The following TRIM67 variants were observed in gnomAD, a reference collection of about 807,000 sequenced individuals.
TRIM67 encodes the protein tripartite motif-containing protein 67.
In TRIM67, 39 loss-of-function variants were observed where a neutral mutation model predicts 71.0. The ratio of observed to expected loss-of-function variants is 0.55; its 90% CI spans 0.43 to 0.72. TRIM67 has a LOEUF of 0.72. Ranked by LOEUF, TRIM67 falls within the 30% of genes least tolerant of loss-of-function variation. The pLI, the probability that TRIM67 is intolerant of heterozygous loss-of-function variation, is 0.00. For missense variants in TRIM67, 973 were observed against 1,079.2 expected, an observed-to-expected ratio of 0.90 and a Z score of 1.38; for synonymous variants, 481 against 473.9, an observed-to-expected ratio of 1.01 and a Z score of -0.19.
At chr1:231,212,073 G>A (rs112489622) in intron 8 of TRIM67, among the ~76,000 whole-genome samples, 17 of 152,262 alleles carry the variant, frequency 1.1e-4, no homozygotes, top group African/African-American at 3.6e-4. Context: ...CACGAGTAAC[G>A]AGCTCGATTA....
chr1:231,174,152 CT>C (rs35651112), intron 1 of TRIM67, among the ~76,000 whole-genome samples: 50,759 of 127,168 alleles, frequency 0.4, 7,929 homozygotes, highest in Middle Eastern at 0.51. Context: ...GTCTTATTTT[CT>C]TTTTTTTTTT....
At position 231,163,685 on chromosome 1, in the gene TRIM67, A is replaced by C; in HGVS notation, c.716A>C (p.His239Pro). 1 of 1,513,076 alleles carries C rather than the reference A, an allele frequency of 6.6e-7. No individual in the cohort carries two copies. Among genetic ancestry groups the C allele is most frequent in the Non-Finnish European group, 8.8e-7 (1 of 1,132,194 alleles). The allele number at this position is 1,513,076 out of a possible 1,614,324, so 93.7% of individuals were successfully genotyped here. A position where few individuals can be genotyped will look rare whatever the true frequency, so the allele number is the denominator to read the frequency against. The change falls in exon 1 of 10, where the codon CAT (histidine) becomes CCT (proline). Residue 239 changes from histidine (H) to proline (P), a missense_variant. His to Pro is a moderately conservative substitution (Grantham distance 77). This residue lies in a region of TRIM67 where 795 missense variants were observed against 831.3 expected (regional missense o/e 0.96). Transcript: ENST00000366653. The part of the protein sequence containing the change: ...LYCSACQLKC[H>P]PSRGPFAKHR... ...TGCTCTGCCTGCCAGCTCAAGTGCC[A>C]TCCATCCCGGGGACCCTTCGCCAAG...
intron 1 of TRIM67, chr1:231,186,051 G>A: frequency 1.3e-6 from 2 of 1,523,804 alleles, no homozygotes; most frequent in Admixed American, 2.0e-5. Flanking sequence ...AAAAGAAGGG[G>A]ATGTTCCCCG....
chr1:231,193,503 G>GCTCTCTCTATCTCTCT (rs1683288075), intron 1 of TRIM67, among the ~76,000 whole-genome samples: 1 of 81,946 alleles, frequency 1.2e-5, no homozygotes, highest in Non-Finnish European at 2.3e-5. Flanking sequence ...TCTCTCTCAA[G>GCTCTCTCTATCTCTCT]CTCTCTCTCT....
In TRIM67 at chr1:231,209,381, T is replaced by C; in HGVS notation, c.2123+131T>C. On this transcript the variant is annotated intron_variant, in intron 8 of 9. Coordinates refer to ENST00000366653, the MANE Select transcript of TRIM67 (RefSeq NM_001004342.5). The surrounding 1 kb of genome is among the most constrained non-coding windows in gnomAD (Gnocchi z 4.1). Reference sequence around the variant, plus strand: ...GAGGAGGTATTTTCAGCCACTTTGGTCTCCATTTTCTAGGAGGCCTTCACT... The same window carrying C: ...GAGGAGGTATTTTCAGCCACTTTGGCCTCCATTTTCTAGGAGGCCTTCACT... 1.9e-6 allele frequency: 2 copies of C among 1,054,740 alleles called. No individual in the cohort carries two copies. Among genetic ancestry groups the C allele is most frequent in the Non-Finnish European group, 2.6e-6 (2 of 755,848 alleles). 65.3% of individuals were successfully genotyped at this position (1,054,740 alleles called of 1,614,324 possible). A position where few individuals can be genotyped will look rare whatever the true frequency, so the allele number is the denominator to read the frequency against.
rs576022261 is a variant in TRIM67 at position 231,163,840 on chromosome 1, G to A, written c.871G>A (p.Ala291Thr). The A allele has an allele frequency of 9.8e-6, 15 of 1,534,160 alleles. No individual in the cohort carries two copies. The East Asian group carries it at 2.0e-4, about 21-fold the overall frequency. The change falls in exon 1 of 10, where the codon GCG becomes ACG. Residue 291 changes from alanine (A) to threonine (T), a missense_variant. Physicochemically the swap from Ala to Thr is moderately conservative, Grantham distance 58 (BLOSUM62 0). Coordinates refer to ENST00000366653, the MANE Select transcript of TRIM67 (RefSeq NM_001004342.5). ...CKSPGGAGAG[A>T]TGGSTARKFP... ...GAGCCCGGGAGGCGCGGGGGCGGGGGCGACTGGGGGCAGCACGGCCCGCAA... is the reference window on the plus strand; with the variant it reads ...GAGCCCGGGAGGCGCGGGGGCGGGGACGACTGGGGGCAGCACGGCCCGCAA...
chr1:231,191,951 A>C (rs115155296), intron 1 of TRIM67, among the ~76,000 whole-genome samples: 1,548 of 152,124 alleles, frequency 0.01, 27 homozygotes, highest in African/African-American at 0.036. Context: ...CAAGGCAGAG[A>C]TCTCCAGCGT....
chr1:231,198,508 C>G (rs1571892685), intron 2 of TRIM67, among the ~76,000 whole-genome samples: 1 of 152,086 alleles, frequency 6.6e-6, no homozygotes, highest in East Asian at 1.9e-4. Context: ...TGCCTCAGCC[C>G]CCTGAGTAGC....
Position 231,163,134 on chromosome 1 carries a change from G to C in TRIM67, c.165G>C (p.Ser55=), listed in dbSNP as rs772575532. 16 of 1,543,432 alleles carry C rather than the reference G, an allele frequency of 1.0e-5. No individual in the cohort carries two copies. The African/African-American group carries it at 1.3e-4, about 12-fold the overall frequency. The change falls in exon 1 of 10, where the codon TCG becomes TCC. Residue 55 remains serine (S), a synonymous_variant. Coordinates refer to ENST00000366653, the MANE Select transcript of TRIM67 (RefSeq NM_001004342.5). The stretch of plus-strand genomic sequence containing the variant: ...AGCCGCTCCTGCTTTCCCGGGGATC[G>C]GGGCTGCAGGCGGGCGCCGCCGCCG... The part of the protein sequence containing the change: ...LPQPLLLSRG[S]GLQAGAAAAA...
chr1:231,184,645 A>C, intron 1 of TRIM67: 1 of 224,950 alleles, frequency 4.4e-6, no homozygotes, highest in South Asian at 8.0e-5. Context: ...GCAACTTCTC[A>C]AAGCAAAATT....
intron 8 of TRIM67, among the ~76,000 whole-genome samples, chr1:231,211,271 T>G (rs908522824): frequency 1.3e-4 from 20 of 151,934 alleles, no homozygotes; most frequent in African/African-American, 4.6e-4. Context: ...TGACAGCCCC[T>G]TGGTGCCACC....
chr1:231,217,288 T>C lies in TRIM67; in HGVS notation c.*1848T>C. 1.0e-6 allele frequency: 1 copy of C among 986,144 alleles called. No individual in the cohort carries two copies. Among genetic ancestry groups the C allele is most frequent in the Non-Finnish European group, 1.2e-6 (1 of 830,236 alleles). 61.1% of individuals were successfully genotyped at this position (986,144 alleles called of 1,614,324 possible). A position where few individuals can be genotyped will look rare whatever the true frequency, so the allele number is the denominator to read the frequency against. On this transcript the variant is annotated 3_prime_UTR_variant, in exon 10 of 10. Coordinates refer to ENST00000366653, the MANE Select transcript of TRIM67 (RefSeq NM_001004342.5). Reference sequence around the variant, plus strand: ...CGGAGCCTGGGAGCTATCTGCTTCATGGAAGTCTAGGTCTTGCCTCTTCCT... The same window carrying C: ...CGGAGCCTGGGAGCTATCTGCTTCACGGAAGTCTAGGTCTTGCCTCTTCCT...
chr1:231,168,786 A>G (rs935559326), intron 1 of TRIM67, among the ~76,000 whole-genome samples: 1 of 152,240 alleles, frequency 6.6e-6, no homozygotes, highest in Non-Finnish European at 1.5e-5. Context: ...CTTGGATTTT[A>G]AGGTCTGTGA....
rs1045803486 is a variant in TRIM67, at chr1:231,217,676, C to T, written c.*2236C>T. 2 of 1,177,106 alleles carry T rather than the reference C, an allele frequency of 1.7e-6. No individual in the cohort carries two copies. The highest frequency in any genetic ancestry group is 1.6e-5 in the African/African-American group (1 of 62,604). 72.9% of individuals were successfully genotyped at this position (1,177,106 alleles called of 1,614,324 possible). On this transcript the variant is annotated 3_prime_UTR_variant, in exon 10 of 10. Coordinates refer to ENST00000366653, the MANE Select transcript of TRIM67 (RefSeq NM_001004342.5). The stretch of plus-strand genomic sequence containing the variant: ...TGACAGCAGCTTCTCACAGGGGAGC[C>T]CTGGGGAAGGCTGTGGAGCCTCCAC...
At position 231,163,050 on chromosome 1, in the gene TRIM67, C is replaced by T. The variant is rs753263518; in HGVS notation, c.81C>T (p.Cys27=). The change falls in exon 1 of 10, where the codon TGC becomes TGT. Residue 27 remains cysteine, a synonymous_variant. Transcript: ENST00000366653. ...PIILPCSHNV[C]LPCARTIAVQ... is the part of the protein sequence containing the mutation. ...TCCTGCCCTGTTCCCACAATGTCTG[C>T]CTGCCTTGCGCTCGCACCATCGCGG... 3 of 1,610,336 alleles carry T rather than the reference C, an allele frequency of 1.9e-6. No individual in the cohort carries two copies. In the East Asian group the frequency reaches 6.7e-5, roughly 36 times the overall value.
intron 1 of TRIM67, chr1:231,187,403 A>G: frequency 1.0e-6 from 1 of 1,000,230 alleles, no homozygotes; most frequent in Non-Finnish European, 1.4e-6. Context: ...AATTTTTTTA[A>G]AAAATGAGTC....
chr1:231,173,450 G>A (rs1233577395), intron 1 of TRIM67, among the ~76,000 whole-genome samples: 2 of 152,168 alleles, frequency 1.3e-5, no homozygotes, highest in East Asian at 3.9e-4. Context: ...TCACTGAGGA[G>A]GATGTATTCA....
At chr1:231,170,338 A>G (rs1254457097) in intron 1 of TRIM67, among the ~76,000 whole-genome samples, 1 of 152,166 alleles carries the variant, frequency 6.6e-6, no homozygotes, top group Non-Finnish European at 1.5e-5. Context: ...GAAACAAAAA[A>G]TGGGTTTGAG....
At chr1:231,186,162 T>C in intron 1 of TRIM67, 1 of 1,533,264 alleles carries the variant, frequency 6.5e-7, no homozygotes, top group Non-Finnish European at 8.7e-7. Flanking sequence ...GCTGAGGCGC[T>C]CCCTCTTTGT....
Sources: gnomAD v4.1 joint callset for allele counts (sites outside exome capture counted in the v4.1 genomes callset) on GRCh38, gnomAD v4.1.1 for gene constraint, gnomAD v4.1.1 regional missense constraint, Gnocchi (gnomAD v3.1) non-coding constraint, MANE v1.5 for transcripts, NCBI Gene and HGNC (gene_info 2026-07-23, HGNC 2026-07-21) for gene names.